The following GAREM1 variants were observed in gnomAD, a reference collection of about 807,000 sequenced individuals.
The protein encoded by GAREM1 is GRB2 associated regulator of MAPK1 subtype 1.
A neutral mutation model predicts 71.3 loss-of-function variants in GAREM1; 26 were observed. The ratio of observed to expected loss-of-function variants is 0.36; its 90% CI spans 0.27 to 0.51. The LOEUF (loss-of-function observed/expected upper bound fraction) is 0.51. Among genes scored for constraint, GAREM1 ranks in the 20% least tolerant of loss-of-function variants. The pLI is 0.95. For missense variants in GAREM1, 1,026 were observed against 1,103.1 expected, an observed-to-expected ratio of 0.93 and a Z score of 0.99; for synonymous variants, 440 against 433.2, an observed-to-expected ratio of 1.02 and a Z score of -0.20.
chr18:32,419,711 C>T (rs2048502255), intron 1 of GAREM1, among the ~76,000 whole-genome samples: 1 of 152,176 alleles, frequency 6.6e-6, no homozygotes, highest in Non-Finnish European at 1.5e-5. Context: ...CTTTGCCATA[C>T]ACATAATCTG....
At chr18:32,463,869 T>C (rs2048974870) in intron 1 of GAREM1, among the ~76,000 whole-genome samples, 1 of 151,048 alleles carries the variant, frequency 6.6e-6, no homozygotes, top group African/African-American at 2.4e-5. Flanking sequence ...GCGCCCGGCC[T>C]AAATCACTCA....
chr18:32,389,041 T>C (rs1375406513), intron 2 of GAREM1, among the ~76,000 whole-genome samples: 1 of 152,188 alleles, frequency 6.6e-6, no homozygotes, highest in African/African-American at 2.4e-5. Context: ...TATTTGTCTG[T>C]ATTTGTATGT....
At chr18:32,406,501 A>G (rs773236814) in intron 1 of GAREM1, among the ~76,000 whole-genome samples, 11 of 152,116 alleles carry the variant, frequency 7.2e-5, no homozygotes, top group Admixed American at 4.6e-4. Flanking sequence ...TGGTGGGGGG[A>G]AAGAGGTGAA....
At chr18:32,371,832 A>G (rs2047983005) in intron 2 of GAREM1, among the ~76,000 whole-genome samples, 1 of 152,194 alleles carries the variant, frequency 6.6e-6, no homozygotes, top group South Asian at 2.1e-4. Context: ...AAAATGGCAC[A>G]AGTGATAATC....
chr18:32,366,935 C>T (rs557003124), intron 2 of GAREM1, among the ~76,000 whole-genome samples: 2 of 152,304 alleles, frequency 1.3e-5, no homozygotes, highest in African/African-American at 4.8e-5. Context: ...TAGGGTCACA[C>T]ACTTAACAGT....
intron 4 of GAREM1, among the ~76,000 whole-genome samples, chr18:32,271,683 A>T (rs778884284): frequency 6.6e-6 from 1 of 152,110 alleles, no homozygotes; most frequent in Non-Finnish European, 1.5e-5. Context: ...TCTACATCCA[A>T]AAAGTACTTT....
At chr18:32,434,832 G>C (rs2048659025) in intron 1 of GAREM1, among the ~76,000 whole-genome samples, 1 of 152,112 alleles carries the variant, frequency 6.6e-6, no homozygotes, top group South Asian at 2.1e-4. Flanking sequence ...GAACAGGATA[G>C]ATACACATTT....
At chr18:32,319,019 C>T (rs1269843187) in intron 2 of GAREM1, among the ~76,000 whole-genome samples, 1 of 152,148 alleles carries the variant, frequency 6.6e-6, no homozygotes, top group African/African-American at 2.4e-5. Flanking sequence ...GGGTCCAGGT[C>T]TGTGATTCAG....
At chr18:32,286,295 AGAAC>A (rs747228228) in intron 4 of GAREM1, among the ~76,000 whole-genome samples, 7 of 151,890 alleles carry the variant, frequency 4.6e-5, no homozygotes, top group Non-Finnish European at 8.8e-5. Flanking sequence ...GGTGTTAAAT[AGAAC>A]TACCCTGGCA....
chr18:32,289,991 T>TTG (rs61701777), intron 3 of GAREM1, among the ~76,000 whole-genome samples: 16,736 of 151,718 alleles, frequency 0.11, 1,116 homozygotes, highest in African/African-American at 0.19. Flanking sequence ...AGGTTTTTTT[T>TTG]TGTGTGTGTG....
chr18:32,393,016 C>A lies in GAREM1; in HGVS notation c.141G>T (p.Leu47=), dbSNP rs773868706. The change falls in exon 2 of 6, where the codon CTG becomes CTT. Residue 47 remains leucine, a synonymous_variant. Transcript: ENST00000269209. ...GAATCAGCAGATAGTCATTTTCCCG[C>A]AGCCCTTCTACGCACTCTCCTAGGA... The part of the protein sequence containing the change: ...RLDNGECVEG[L]RENDYLLIHS... 20 of 1,613,630 alleles carry A rather than the reference C, an allele frequency of 1.2e-5. No homozygotes were observed. The highest frequency in any genetic ancestry group is 1.2e-4 in the South Asian group (11 of 91,060).
intron 1 of GAREM1, among the ~76,000 whole-genome samples, chr18:32,426,314 C>T (rs1045521016): frequency 3.9e-5 from 6 of 152,174 alleles, no homozygotes; most frequent in Non-Finnish European, 7.3e-5. Flanking sequence ...TCACCATGCC[C>T]GGCCTCTTTC....
chr18:32,390,027 C>T (rs1274648088), intron 2 of GAREM1, among the ~76,000 whole-genome samples: 3 of 152,016 alleles, frequency 2.0e-5, no homozygotes, highest in Non-Finnish European at 2.9e-5. Flanking sequence ...GTTGGCCGGG[C>T]GTAGTGCCAG....
chr18:32,313,712 A>G (rs1033065881), intron 2 of GAREM1, among the ~76,000 whole-genome samples: 1 of 152,166 alleles, frequency 6.6e-6, no homozygotes, highest in African/African-American at 2.4e-5. Context: ...GGTTTAAAGC[A>G]AAGAGTTTTT....
At chr18:32,459,042 G>A (rs1330072346) in intron 1 of GAREM1, among the ~76,000 whole-genome samples, 1 of 151,970 alleles carries the variant, frequency 6.6e-6, no homozygotes, top group East Asian at 1.9e-4. Context: ...TAGTTGACTG[G>A]TAATAACAGA....
At chr18:32,418,421 A>G (rs1163260881) in intron 1 of GAREM1, among the ~76,000 whole-genome samples, 1 of 152,154 alleles carries the variant, frequency 6.6e-6, no homozygotes, top group Non-Finnish European at 1.5e-5. Flanking sequence ...CCACCTTGTT[A>G]TGGAATAGCC....
chr18:32,354,344 C>T (rs2047784476), intron 2 of GAREM1, among the ~76,000 whole-genome samples: 2 of 151,982 alleles, frequency 1.3e-5, no homozygotes, highest in Non-Finnish European at 2.9e-5. Context: ...GATTTCAGTG[C>T]CAAAAAGAGT....
Position 32,287,153 on chromosome 18 carries a change from TA to T in GAREM1, c.1443del (p.Phe481LeufsTer24). ...GCACATTTGGATCGGACAGAACCTC[TA>T]AACTGATCACATCTGTTCTTCTCGC... is the stretch of plus-strand genomic sequence containing the variant. The part of the protein sequence containing the change: ...SLSEKNRCDQ[F>X]RGSVRSKCAT... On this transcript the variant is annotated frameshift_variant, in exon 4 of 6. Coordinates refer to ENST00000269209, the MANE Select transcript of GAREM1 (RefSeq NM_001242409.2). LOFTEE classifies it high-confidence loss of function. The surrounding 1 kb of genome is among the most constrained non-coding windows in gnomAD (Gnocchi z 5.9). The T allele has an allele frequency of 6.2e-7, 1 of 1,614,250 alleles. No individual in the cohort carries two copies. Among genetic ancestry groups the T allele is most frequent in the Non-Finnish European group, 8.5e-7 (1 of 1,180,040 alleles).
At chr18:32,281,743 G>C (rs987672782) in intron 4 of GAREM1, among the ~76,000 whole-genome samples, 5 of 152,348 alleles carry the variant, frequency 3.3e-5, no homozygotes, top group Admixed American at 1.3e-4. Flanking sequence ...GGGAGGCTGA[G>C]GCAGGTGGAT....
Sources: gnomAD v4.1 joint callset for allele counts (sites outside exome capture counted in the v4.1 genomes callset) on GRCh38, gnomAD v4.1.1 for gene constraint, Gnocchi (gnomAD v3.1) non-coding constraint, MANE v1.5 for transcripts, NCBI Gene and HGNC (gene_info 2026-07-23, HGNC 2026-07-21) for gene names.